Variants in SDK1 observed in about 807,000 individuals in gnomAD.
The protein encoded by SDK1 is protein sidekick-1.
Under a neutral mutation model 245.5 loss-of-function variants are expected in SDK1, and 157 were observed. The observed-to-expected ratio is 0.64, with a 90% CI of 0.56 to 0.73. SDK1 has a LOEUF of 0.73. SDK1 is among the 30% of genes least tolerant of loss of function. SDK1 has a pLI of 0.00. For synonymous variants in SDK1, 1,647 were observed against 1,278.5 expected (o/e 1.29, Z -6.15); for missense variants, 3,583 against 3,002.3 (o/e 1.19, Z -4.52).
intron 1 of SDK1, among the ~76,000 whole-genome samples, chr7:3,495,953 T>C (rs986437185): frequency 1.3e-5 from 2 of 152,214 alleles, no homozygotes; most frequent in African/African-American, 4.8e-5. Context: ...AGAAGAATTT[T>C]GCATACAACT....
intron 1 of SDK1, among the ~76,000 whole-genome samples, chr7:3,602,367 A>T (rs1158930671): frequency 6.6e-6 from 1 of 151,680 alleles, no homozygotes; most frequent in Non-Finnish European, 1.5e-5. Context: ...AATGATTGCT[A>T]TTCTAACTGG....
intron 40 of SDK1, among the ~76,000 whole-genome samples, chr7:4,225,260 C>T (rs1163904754): frequency 1.3e-5 from 2 of 152,090 alleles, no homozygotes; most frequent in South Asian, 2.1e-4. Flanking sequence ...ACTTGCTCTC[C>T]GTTGTTTCTT....
intron 1 of SDK1, among the ~76,000 whole-genome samples, chr7:3,452,674 C>G (rs1780552031): frequency 1.3e-5 from 2 of 152,214 alleles, no homozygotes; most frequent in African/African-American, 4.8e-5. Context: ...CAATATTGTC[C>G]TATGTACGGT....
chr7:4,157,692 A>T (rs1034233132), intron 30 of SDK1, among the ~76,000 whole-genome samples: 1 of 152,162 alleles, frequency 6.6e-6, no homozygotes, highest in African/African-American at 2.4e-5. Context: ...TGACATGTGA[A>T]TATTGCCATT....
chr7:3,620,810 C>T (rs924602496), intron 2 of SDK1, among the ~76,000 whole-genome samples: 2 of 152,108 alleles, frequency 1.3e-5, no homozygotes, highest in African/African-American at 4.8e-5. Context: ...TAGCACCTCA[C>T]TTGCTCTCCC....
chr7:3,625,638 C>T (rs369597282), intron 2 of SDK1, among the ~76,000 whole-genome samples: 4 of 152,196 alleles, frequency 2.6e-5, no homozygotes, highest in Admixed American at 2.0e-4. Context: ...CTCAGAAGTG[C>T]CCACTCTAAT....
intron 40 of SDK1, among the ~76,000 whole-genome samples, chr7:4,232,313 T>C (rs1785827918): frequency 6.6e-6 from 1 of 151,156 alleles, no homozygotes. Context: ...AGCTCCAGGC[T>C]CCAGCACCCC....
At chr7:3,986,049 C>T (rs768157802) in intron 13 of SDK1, among the ~76,000 whole-genome samples, 7 of 152,032 alleles carry the variant, frequency 4.6e-5, no homozygotes, top group Non-Finnish European at 5.9e-5. Flanking sequence ...AGGACAGCCC[C>T]GGAACAGGGT....
Position 3,936,266 on chromosome 7 carries a change from C to T in SDK1, c.848-14657C>T, listed in dbSNP as rs891832594. ...TGGGGAGTGAGTGTTTAATGGGGTG[C>T]AGAGTTTCAGTTTGGGAAAATAAAA... is the stretch of plus-strand genomic sequence containing the variant. On this transcript the variant is annotated intron_variant, in intron 5 of 44. Coordinates refer to ENST00000404826, the MANE Select transcript of SDK1 (RefSeq NM_152744.4). Among the ~76,000 whole-genome samples, 4 of 151,864 alleles carry T rather than the reference C, an allele frequency of 2.6e-5. No individual in the cohort carries two copies. In the East Asian group the frequency reaches 5.8e-4, roughly 22 times the overall value.
intron 1 of SDK1, among the ~76,000 whole-genome samples, chr7:3,304,013 T>C (rs1032265446): frequency 1.3e-5 from 2 of 152,202 alleles, no homozygotes; most frequent in Admixed American, 6.5e-5. Flanking sequence ...GACTAATTTC[T>C]CTGCACCTCA....
chr7:4,106,365 A>G (rs866204179), intron 22 of SDK1, among the ~76,000 whole-genome samples: 32 of 148,728 alleles, frequency 2.2e-4, no homozygotes, highest in Middle Eastern at 3.4e-3. Context: ...GTGCAGTGGC[A>G]TGATCTCAGC....
At chr7:3,952,735 A>G (rs887031444) in intron 7 of SDK1, among the ~76,000 whole-genome samples, 4 of 152,142 alleles carry the variant, frequency 2.6e-5, no homozygotes, top group African/African-American at 9.6e-5. Context: ...AAACTGGGCG[A>G]CATATTATTC....
intron 17 of SDK1, among the ~76,000 whole-genome samples, chr7:4,017,876 A>G (rs979110342): frequency 1.3e-5 from 2 of 152,240 alleles, no homozygotes; most frequent in Non-Finnish European, 1.5e-5. Flanking sequence ...ACCCCTGGAA[A>G]AATTGACCAG....
intron 1 of SDK1, among the ~76,000 whole-genome samples, chr7:3,316,258 A>G (rs1159536676): frequency 1.3e-5 from 2 of 152,326 alleles, no homozygotes; most frequent in Non-Finnish European, 2.9e-5. Flanking sequence ...CTGAAAGATT[A>G]TAATTCTGTA....
chr7:3,610,201 C>A (rs1406646201), intron 1 of SDK1, among the ~76,000 whole-genome samples: 1 of 152,230 alleles, frequency 6.6e-6, no homozygotes, highest in African/African-American at 2.4e-5. Flanking sequence ...ATATCTGTTA[C>A]ATCTCAGTTT....
intron 1 of SDK1, among the ~76,000 whole-genome samples, chr7:3,378,427 A>G (rs181808866): frequency 1.2e-3 from 182 of 152,272 alleles, no homozygotes; most frequent in Middle Eastern, 6.8e-3. Flanking sequence ...GGGTGTTATC[A>G]CTTGCGTTTC....
rs117949990 is a variant in SDK1 at position 3,973,135 on chromosome 7, C to T, written c.1818-1234C>T. Among the ~76,000 whole-genome samples the T allele has an allele frequency of 2.3e-3, 351 of 152,230 alleles. 1 individual carries two copies. Among genetic ancestry groups the T allele is most frequent in the Non-Finnish European group, 3.7e-3 (253 of 68,016 alleles). On this transcript the variant is annotated intron_variant, in intron 12 of 44. Coordinates refer to ENST00000404826, the MANE Select transcript of SDK1 (RefSeq NM_152744.4). ...ACTGGGTTACTCGCTCTCGGGGTGC[C>T]CCTCGTCCCAGGGTTGCTCTGCCCT...
At chr7:3,792,926 A>G (rs950919913) in intron 4 of SDK1, among the ~76,000 whole-genome samples, 8 of 152,210 alleles carry the variant, frequency 5.3e-5, no homozygotes, top group African/African-American at 1.9e-4. Flanking sequence ...GAGTGCATTC[A>G]GTTCTGCTTT....
At position 4,208,129 on chromosome 7, in the gene SDK1, G is replaced by C. The variant is rs1364713936; in HGVS notation, c.5245G>C (p.Glu1749Gln). Residue 1749 changes from glutamate (E) to glutamine (Q), a missense_variant, in exon 37 of 45, where the codon GAA becomes CAA. Coordinates refer to ENST00000404826, the MANE Select transcript of SDK1 (RefSeq NM_152744.4). ...IYYWEADSQN[E>Q]TEKMKVLFLP... ...CTACTGGGAGGCAGACAGCCAGAAC[G>C]AAACGGAGAAAATGAAGGTCCTCTT... 2 of 1,613,886 alleles carry C rather than the reference G, an allele frequency of 1.2e-6. No individual in the cohort carries two copies. Among genetic ancestry groups the C allele is most frequent in the Admixed American group, 1.7e-5 (1 of 59,980 alleles).
Sources: allele counts gnomAD v4.1 joint callset (sites outside exome capture counted in the v4.1 genomes callset), GRCh38; gene constraint gnomAD v4.1.1; transcripts MANE v1.5; gene names NCBI Gene and HGNC (gene_info 2026-07-23, HGNC 2026-07-21).